Variants in AGO1 observed in about 807,000 individuals in gnomAD.
AGO1 encodes argonaute RISC component 1.
A neutral mutation model predicts 109.2 loss-of-function variants in AGO1; 11 were observed. The ratio of observed to expected loss-of-function variants is 0.10; its 90% CI spans 0.06 to 0.17. The LOEUF is 0.17. Among genes scored for constraint, AGO1 ranks in the 10% least tolerant of loss-of-function variants. AGO1 has a pLI of 1.00. For synonymous variants in AGO1, 422 were observed against 418.6 expected (o/e 1.01, Z -0.10); for missense variants, 574 against 1,140.3 (o/e 0.50, Z 7.15).
rs1048361259 is a variant in AGO1, at chr1:35,929,900, G to A, written c.*10293G>A. ...GCTGTTCTCTCAATTTTTCAGATAA[G>A]AAAATTGAAGCCCAGAGAGATCAAG... is the stretch of plus-strand genomic sequence containing the variant. On this transcript the variant is annotated 3_prime_UTR_variant, in exon 19 of 19. Transcript: ENST00000373204. The A allele has an allele frequency of 4.6e-5, 7 of 152,058 alleles. No individual in the cohort carries two copies. Among genetic ancestry groups the A allele is most frequent in the African/African-American group, 1.7e-4 (7 of 41,392 alleles). The allele number at this position is 152,058 out of a possible 1,614,324, so 9.4% of individuals were successfully genotyped here.
intron 1 of AGO1, among the ~76,000 whole-genome samples, chr1:35,875,018 C>T (rs923176910): frequency 1.3e-5 from 2 of 152,164 alleles, no homozygotes; most frequent in Non-Finnish European, 2.9e-5. Context: ...AGGAAAGAAG[C>T]CATCTCCATA....
chr1:35,885,681 C>T (rs1464928182), intron 1 of AGO1, among the ~76,000 whole-genome samples: 1 of 152,244 alleles, frequency 6.6e-6, no homozygotes, highest in African/African-American at 2.4e-5. Flanking sequence ...GGGCTTATGC[C>T]CAGGTCTGCC....
intron 16 of AGO1, among the ~76,000 whole-genome samples, chr1:35,917,969 A>G (rs1645764938): frequency 6.6e-6 from 1 of 151,958 alleles, no homozygotes; most frequent in Non-Finnish European, 1.5e-5. Flanking sequence ...GACCCCATAT[A>G]TAGACCAGCT....
rs1646002643 is a variant in AGO1, at chr1:35,929,936, A to G, written c.*10329A>G. ...CCCAGAGAGATCAAGTGACTGATCC[A>G]AAGTCCCACAGTGAGGGGAACTGAA... On this transcript the variant is annotated 3_prime_UTR_variant, in exon 19 of 19. Coordinates refer to ENST00000373204, the MANE Select transcript of AGO1 (RefSeq NM_012199.5). 6.6e-6 allele frequency: 1 copy of G among 152,224 alleles called. No homozygotes were observed. Among genetic ancestry groups the G allele is most frequent in the African/African-American group, 2.4e-5 (1 of 41,454 alleles). 9.4% of individuals were successfully genotyped at this position (152,224 alleles called of 1,614,324 possible). A position where few individuals can be genotyped will look rare whatever the true frequency, so the allele number is the denominator to read the frequency against.
At chr1:35,890,764 G>A (rs1039710138) in intron 2 of AGO1, among the ~76,000 whole-genome samples, 1 of 152,054 alleles carries the variant, frequency 6.6e-6, no homozygotes. Flanking sequence ...CCATCAATAA[G>A]GCATCAGAGT....
At position 35,919,396 on chromosome 1, in the gene AGO1, T is replaced by C; in HGVS notation, c.2466-103T>C. On this transcript the variant is annotated intron_variant, in intron 18 of 18. Coordinates refer to ENST00000373204, the MANE Select transcript of AGO1 (RefSeq NM_012199.5). This position sits in a 1 kb window ranked among gnomAD's most constrained non-coding sequence, Gnocchi z 6.6. ...TCTGCCCAATCCTGGGTTGGGTTTC[T>C]CTCTTAAGTTGGTATGGGAATTGGC... is the stretch of plus-strand genomic sequence containing the variant. 1 of 1,466,088 alleles carries C rather than the reference T, an allele frequency of 6.8e-7. No individual in the cohort carries two copies. The highest frequency in any genetic ancestry group is 9.3e-7 in the Non-Finnish European group (1 of 1,076,926). The allele number at this position is 1,466,088 out of a possible 1,614,324, so 90.8% of individuals were successfully genotyped here. A position where few individuals can be genotyped will look rare whatever the true frequency, so the allele number is the denominator to read the frequency against.
chr1:35,878,766 G>A (rs1645011974), upstream of AGO1, among the ~76,000 whole-genome samples: 1 of 152,072 alleles, frequency 6.6e-6, no homozygotes, highest in African/African-American at 2.4e-5. Context: ...TTTTGAATTG[G>A]ATATTTTATC....
Position 35,894,379 on chromosome 1 carries a change from C to G in AGO1, c.849C>G (p.Thr283=). 6.2e-7 allele frequency: 1 copy of G among 1,614,154 alleles called. No individual in the cohort carries two copies. Among genetic ancestry groups the G allele is most frequent in the Non-Finnish European group, 8.5e-7 (1 of 1,180,010 alleles). ...GGAAGTACCGCGTGTGTAATGTTAC[C>G]CGTCGCCCTGCTAGCCATCAGACGT... ...MKRKYRVCNV[T]RRPASHQTFP... The change falls in exon 7 of 19, where the codon ACC becomes ACG. Residue 283 remains threonine (T), a synonymous_variant. Transcript: ENST00000373204.
Position 35,921,263 on chromosome 1 carries a change from A to G in AGO1, c.*1656A>G, listed in dbSNP as rs559288072. The G allele has an allele frequency of 7.0e-6, 1 of 143,238 alleles. No homozygotes were observed. The highest frequency in any genetic ancestry group is 1.5e-5 in the Non-Finnish European group (1 of 66,214). 8.9% of individuals were successfully genotyped at this position (143,238 alleles called of 1,614,324 possible). On this transcript the variant is annotated 3_prime_UTR_variant, in exon 19 of 19. Transcript: ENST00000373204. ...ATTTTTCCTGGTTTCCCACTAGGGC[A>G]TGTGGGTGGGTGGCATGGACTTTTT...
At chr1:35,875,402 A>G (rs1644985050) in intron 1 of AGO1, among the ~76,000 whole-genome samples, 1 of 151,230 alleles carries the variant, frequency 6.6e-6, no homozygotes, top group African/African-American at 2.4e-5. Context: ...TTTTTACAGC[A>G]TGGTTTACTG....
At chr1:35,870,158 T>G (rs1249294238) in intron 1 of AGO1, among the ~76,000 whole-genome samples, 1 of 152,190 alleles carries the variant, frequency 6.6e-6, no homozygotes, top group Non-Finnish European at 1.5e-5. Context: ...CGCCTGTGGC[T>G]GGGAGTCCAT....
In AGO1 at chr1:35,901,831, T is replaced by C; in HGVS notation, c.1141-117T>C. ...CTCATCTTCCACTTTCTCTCTCTTT[T>C]TAGGACTATTCCGTACCAACCCCAG... On this transcript the variant is annotated intron_variant, in intron 9 of 18. Coordinates refer to ENST00000373204, the MANE Select transcript of AGO1 (RefSeq NM_012199.5). The surrounding 1 kb of genome is among the most constrained non-coding windows in gnomAD (Gnocchi z 4.8). 2 of 1,433,290 alleles carry C rather than the reference T, an allele frequency of 1.4e-6. No individual in the cohort carries two copies. Among genetic ancestry groups the C allele is most frequent in the Non-Finnish European group, 1.9e-6 (2 of 1,059,692 alleles). The allele number at this position is 1,433,290 out of a possible 1,614,324, so 88.8% of individuals were successfully genotyped here.
chr1:35,898,266 T>A (rs1645354075), intron 8 of AGO1, among the ~76,000 whole-genome samples: 3 of 152,090 alleles, frequency 2.0e-5, no homozygotes, highest in African/African-American at 4.8e-5. Context: ...ACATCTTTTT[T>A]TTTTTTTTGA....
chr1:35,893,981 C>T lies in AGO1; in HGVS notation c.650-56C>T. On this transcript the variant is annotated intron_variant, in intron 5 of 18. Coordinates refer to ENST00000373204, the MANE Select transcript of AGO1 (RefSeq NM_012199.5). The surrounding 1 kb of genome is among the most constrained non-coding windows in gnomAD (Gnocchi z 5.6). The stretch of plus-strand genomic sequence containing the variant: ...GAAGAGGGTATAAATTGCTGTGCCT[C>T]CATGTATTGTGGAAGACAGAACCTG... 6.6e-7 allele frequency: 1 copy of T among 1,523,728 alleles called. No individual in the cohort carries two copies. The allele number at this position is 1,523,728 out of a possible 1,614,324, so 94.4% of individuals were successfully genotyped here. A position where few individuals can be genotyped will look rare whatever the true frequency, so the allele number is the denominator to read the frequency against.
intron 15 of AGO1, among the ~76,000 whole-genome samples, chr1:35,916,615 G>A (rs900501727): frequency 6.6e-6 from 1 of 152,150 alleles, no homozygotes; most frequent in Non-Finnish European, 1.5e-5. Context: ...TGATCCACCC[G>A]CCTTGGCCTC....
Position 35,925,990 on chromosome 1 carries a change from TC to T in AGO1, c.*6386del, listed in dbSNP as rs1234983001. On this transcript the variant is annotated 3_prime_UTR_variant, in exon 19 of 19. Coordinates refer to ENST00000373204, the MANE Select transcript of AGO1 (RefSeq NM_012199.5). ...GGCCTGTGGCTATCATCTGGCAGAC[TC>T]CCTTGGGAAAGAGCCAGCCAGCCCC... 1.3e-5 allele frequency: 2 copies of T among 152,160 alleles called. No homozygotes were observed. Among genetic ancestry groups the T allele is most frequent in the East Asian group, 3.9e-4 (2 of 5,194 alleles). 9.4% of individuals were successfully genotyped at this position (152,160 alleles called of 1,614,324 possible). A position where few individuals can be genotyped will look rare whatever the true frequency, so the allele number is the denominator to read the frequency against.
chr1:35,883,313 G>A lies in AGO1; in HGVS notation c.-109G>A, dbSNP rs918304981. The A allele has an allele frequency of 1.3e-6, 2 of 1,495,694 alleles. No individual in the cohort carries two copies. The highest frequency in any genetic ancestry group is 2.7e-5 in the Admixed American group (1 of 36,794). The allele number at this position is 1,495,694 out of a possible 1,614,324, so 92.7% of individuals were successfully genotyped here. A position where few individuals can be genotyped will look rare whatever the true frequency, so the allele number is the denominator to read the frequency against. On this transcript the variant is annotated 5_prime_UTR_variant, in exon 1 of 19. Coordinates refer to ENST00000373204, the MANE Select transcript of AGO1 (RefSeq NM_012199.5). This position sits in a 1 kb window ranked among gnomAD's most constrained non-coding sequence, Gnocchi z 5.4. ...GCGCGAGCGGCCGGGCTTGGTAGGG[G>A]AGCCGAGCCCGGCCCGGGATCCCGA...
At position 35,920,836 on chromosome 1, in the gene AGO1, T is replaced by A. The variant is rs1645819124; in HGVS notation, c.*1229T>A. Reference sequence around the variant, plus strand: ...TAACAAAAAACTCTTAGGTCTAAAATGAGAAAAAAGAGAGAAAACAAAATG... The same window carrying A: ...TAACAAAAAACTCTTAGGTCTAAAAAGAGAAAAAAGAGAGAAAACAAAATG... On this transcript the variant is annotated 3_prime_UTR_variant, in exon 19 of 19. Coordinates refer to ENST00000373204, the MANE Select transcript of AGO1 (RefSeq NM_012199.5). The A allele has an allele frequency of 6.6e-6, 1 of 152,546 alleles. No individual in the cohort carries two copies. The highest frequency in any genetic ancestry group is 6.5e-5 in the Admixed American group (1 of 15,270). The allele number at this position is 152,546 out of a possible 1,614,324, so 9.4% of individuals were successfully genotyped here.
At chr1:35,876,249 C>A (rs1301016935) in intron 1 of AGO1, among the ~76,000 whole-genome samples, 1 of 151,832 alleles carries the variant, frequency 6.6e-6, no homozygotes, top group African/African-American at 2.4e-5. Flanking sequence ...ATGAGGAAAT[C>A]CTTTTTTTTT....
Sources: allele counts gnomAD v4.1 joint callset (sites outside exome capture counted in the v4.1 genomes callset), GRCh38; gene constraint gnomAD v4.1.1; non-coding constraint Gnocchi (gnomAD v3.1); transcripts MANE v1.5; gene names NCBI Gene and HGNC (gene_info 2026-07-23, HGNC 2026-07-21).